The following DTWD2 variants were observed in gnomAD, a reference collection of about 807,000 sequenced individuals.
The protein encoded by DTWD2 is tRNA-uridine aminocarboxypropyltransferase 2.
In DTWD2, 39 loss-of-function variants were observed where a neutral mutation model predicts 31.8. That is an observed-to-expected ratio of 1.22 (90% confidence interval 0.95 to 1.60). DTWD2 has a LOEUF of 1.60. Ranked by LOEUF, DTWD2 falls within the 40% of genes most tolerant of loss-of-function variation. The pLI is 0.00. For missense variants in DTWD2, 515 were observed against 381.5 expected, an observed-to-expected ratio of 1.35 and a Z score of -2.92; for synonymous variants, 180 against 142.8, an observed-to-expected ratio of 1.26 and a Z score of -1.86.
At chr5:118,884,863 G>A (rs912281588) in intron 4 of DTWD2, among the ~76,000 whole-genome samples, 33 of 151,582 alleles carry the variant, frequency 2.2e-4, no homozygotes, top group African/African-American at 4.6e-4. Context: ...AAAATTAGCC[G>A]GGCGTGGTGG....
intron 3 of DTWD2, among the ~76,000 whole-genome samples, chr5:118,932,307 T>A: frequency 1.4e-5 from 2 of 145,996 alleles, no homozygotes; most frequent in African/African-American, 5.1e-5. Context: ...CAAGACTCTG[T>A]CTTGACAAAA....
chr5:118,841,786 A>C (rs371900054), intron 5 of DTWD2, among the ~76,000 whole-genome samples: 9 of 152,216 alleles, frequency 5.9e-5, no homozygotes, highest in African/African-American at 1.4e-4. Context: ...ATTAAAAAAA[A>C]AACAACACTA....
chr5:118,913,706 T>C (rs1380408791), intron 4 of DTWD2, among the ~76,000 whole-genome samples: 2 of 151,718 alleles, frequency 1.3e-5, no homozygotes, highest in Non-Finnish European at 1.5e-5. Flanking sequence ...ACTGGGAAAC[T>C]ACAGAAAAAA....
chr5:118,905,085 T>C (rs778180054), intron 4 of DTWD2, among the ~76,000 whole-genome samples: 1 of 152,172 alleles, frequency 6.6e-6, no homozygotes, highest in Non-Finnish European at 1.5e-5. Context: ...AACAACTGCA[T>C]ATGTATGTAC....
intron 4 of DTWD2, among the ~76,000 whole-genome samples, chr5:118,912,259 T>A (rs1018715609): frequency 6.6e-6 from 1 of 152,216 alleles, no homozygotes; most frequent in African/African-American, 2.4e-5. Context: ...CCTGAAGTAC[T>A]TGGACTGAAA....
chr5:118,861,501 G>A (rs570417488), intron 4 of DTWD2, among the ~76,000 whole-genome samples: 1 of 152,238 alleles, frequency 6.6e-6, no homozygotes, highest in East Asian at 1.9e-4. Flanking sequence ...TACTGCAATA[G>A]CTGCCCTATA....
chr5:118,917,169 G>A (rs568409101), intron 4 of DTWD2, among the ~76,000 whole-genome samples: 5 of 152,248 alleles, frequency 3.3e-5, no homozygotes, highest in African/African-American at 1.2e-4. Context: ...CTCAAATTCG[G>A]GTTTAAGTTA....
At chr5:118,975,116 T>A (rs910543211) in intron 1 of DTWD2, among the ~76,000 whole-genome samples, 3 of 152,198 alleles carry the variant, frequency 2.0e-5, no homozygotes, top group Admixed American at 6.5e-5. Flanking sequence ...TCCTGAAGAG[T>A]GTTTTCCAAC....
chr5:118,876,168 C>T (rs990703214), intron 4 of DTWD2, among the ~76,000 whole-genome samples: 6 of 152,060 alleles, frequency 3.9e-5, no homozygotes, highest in African/African-American at 1.4e-4. Flanking sequence ...CAGAACAAAG[C>T]TACAACATAC....
At chr5:118,973,079 CTTTT>C (rs767993540) in intron 1 of DTWD2, among the ~76,000 whole-genome samples, 2 of 139,994 alleles carry the variant, frequency 1.4e-5, no homozygotes, top group Admixed American at 7.1e-5. Context: ...TTGCAACCCC[CTTTT>C]TTTTTTTTTT....
At chr5:118,871,126 A>G (rs576240885) in intron 4 of DTWD2, among the ~76,000 whole-genome samples, 1 of 152,312 alleles carries the variant, frequency 6.6e-6, no homozygotes, top group South Asian at 2.1e-4. Context: ...TTGCTCATTC[A>G]TAAGAAGCAA....
intron 4 of DTWD2, among the ~76,000 whole-genome samples, chr5:118,873,727 G>A (rs1428635557): frequency 6.6e-6 from 1 of 152,168 alleles, no homozygotes; most frequent in African/African-American, 2.4e-5. Context: ...CCCTGACAGA[G>A]AACAAGGAAT....
At chr5:118,907,940 T>C (rs76926707) in intron 4 of DTWD2, among the ~76,000 whole-genome samples, 3,212 of 152,268 alleles carry the variant, frequency 0.021, 52 homozygotes, top group Non-Finnish European at 0.029. Flanking sequence ...TGCAAAATAC[T>C]TAGAGAAATA....
In DTWD2 at chr5:118,837,947, CTGGTGGT is replaced by C. The variant is rs1167689954; in HGVS notation, c.*2963_*2969del. 1.3e-5 allele frequency: 2 copies of C among 152,068 alleles called. No homozygotes were observed. The highest frequency in any genetic ancestry group is 2.9e-5 in the Non-Finnish European group (2 of 68,022). The allele number at this position is 152,068 out of a possible 1,614,324, so 9.4% of individuals were successfully genotyped here. A position where few individuals can be genotyped will look rare whatever the true frequency, so the allele number is the denominator to read the frequency against. On this transcript the variant is annotated 3_prime_UTR_variant, in exon 6 of 6. Transcript: ENST00000510708. ...AATACATAAATAAATAAATCACTAA[CTGGTGGT>C]ATAGTGAGGAGCTTATTTCTTCCAA...
rs1319770013 is a variant in DTWD2, at chr5:118,838,496, A to G, written c.*2421T>C. 6.6e-6 allele frequency: 1 copy of G among 152,228 alleles called. No homozygotes were observed. Among genetic ancestry groups the G allele is most frequent in the Non-Finnish European group, 1.5e-5 (1 of 68,038 alleles). The allele number at this position is 152,228 out of a possible 1,614,324, so 9.4% of individuals were successfully genotyped here. A position where few individuals can be genotyped will look rare whatever the true frequency, so the allele number is the denominator to read the frequency against. ...AATTTTTCAATTAAAATACTCAGATAATACTACACACTTGAGAACTTTTAG... is the reference window on the plus strand; with the variant it reads ...AATTTTTCAATTAAAATACTCAGATGATACTACACACTTGAGAACTTTTAG... On this transcript the variant is annotated 3_prime_UTR_variant, in exon 6 of 6. Coordinates refer to ENST00000510708, the MANE Select transcript of DTWD2 (RefSeq NM_173666.4).
intron 4 of DTWD2, among the ~76,000 whole-genome samples, chr5:118,855,245 C>A (rs114207415): frequency 0.036 from 5,088 of 139,914 alleles, 322 homozygotes; most frequent in African/African-American, 0.13. Flanking sequence ...TGCGGTAAAA[C>A]TTTTTACCGC....
chr5:118,849,015 A>G (rs532433034), intron 4 of DTWD2, among the ~76,000 whole-genome samples: 10 of 152,358 alleles, frequency 6.6e-5, no homozygotes, highest in African/African-American at 1.9e-4. Flanking sequence ...AAAAGCCAAA[A>G]TTGACAAATG....
At chr5:118,910,538 C>T (rs1321580008) in intron 4 of DTWD2, among the ~76,000 whole-genome samples, 3 of 152,332 alleles carry the variant, frequency 2.0e-5, no homozygotes, top group Non-Finnish European at 4.4e-5. Context: ...TTATCTTCTT[C>T]TGAGGCCTCA....
intron 1 of DTWD2, among the ~76,000 whole-genome samples, chr5:118,970,604 G>C (rs1470574976): frequency 6.6e-6 from 1 of 152,048 alleles, no homozygotes; most frequent in African/African-American, 2.4e-5. Flanking sequence ...AACCTAGCAA[G>C]ACAAGCCAAC....
Sources: gnomAD v4.1 joint callset for allele counts (sites outside exome capture counted in the v4.1 genomes callset) on GRCh38, gnomAD v4.1.1 for gene constraint, MANE v1.5 for transcripts, NCBI Gene and HGNC (gene_info 2026-07-23, HGNC 2026-07-21) for gene names.